MGAT4C: variants seen among roughly 807,000 people sequenced by gnomAD.
MGAT4C encodes alpha-1,3-mannosyl-glycoprotein 4-beta-N-acetylglucosaminyltransferase C.
Under a neutral mutation model 40.1 loss-of-function variants are expected in MGAT4C, and 19 were observed. That is an observed-to-expected ratio of 0.47 (90% CI 0.33 to 0.70). MGAT4C has a LOEUF of 0.70. Ranked by LOEUF, MGAT4C falls within the 30% of genes least tolerant of loss-of-function variation. The pLI, the probability that MGAT4C is intolerant of heterozygous loss-of-function variation, is 0.02. For synonymous variants in MGAT4C, 181 were observed against 187.1 expected (o/e 0.97, Z 0.27); for missense variants, 491 against 563.2 (o/e 0.87, Z 1.30).
intron 3 of MGAT4C, among the ~76,000 whole-genome samples, chr12:86,348,604 G>A (rs2136189995): frequency 6.6e-6 from 1 of 152,082 alleles, no homozygotes; most frequent in South Asian, 2.1e-4. Context: ...GCTTGTCTGG[G>A]GATAGAATTT....
chr12:86,049,262 G>A (rs1338528466), intron 2 of MGAT4C, among the ~76,000 whole-genome samples: 1 of 151,850 alleles, frequency 6.6e-6, no homozygotes, highest in African/African-American at 2.4e-5. Context: ...TATTTTAGGA[G>A]AAAGTTACCA....
rs1303160064 is a variant in MGAT4C at position 85,967,686 on chromosome 12, A to T, written c.*11603T>A. On this transcript the variant is annotated 3_prime_UTR_variant, in exon 5 of 5. Transcript: ENST00000611864. The stretch of plus-strand genomic sequence containing the variant: ...TAATGTATTCATTGATCTCATAAAG[A>T]ATAGATGATCAGATTTTTTAAAAGT... 1.3e-5 allele frequency: 2 copies of T among 152,092 alleles called. No homozygotes were observed. The highest frequency in any genetic ancestry group is 1.3e-4 in the Admixed American group (2 of 15,250). 9.4% of individuals were successfully genotyped at this position (152,092 alleles called of 1,614,324 possible). A position where few individuals can be genotyped will look rare whatever the true frequency, so the allele number is the denominator to read the frequency against.
At chr12:86,317,290 G>A (rs569315599) in intron 4 of MGAT4C, among the ~76,000 whole-genome samples, 7 of 151,764 alleles carry the variant, frequency 4.6e-5, no homozygotes, top group African/African-American at 1.7e-4. Flanking sequence ...GGTGAAGGAA[G>A]ATAGGAGATA....
chr12:86,252,222 T>C (rs1441447546), intron 1 of MGAT4C, among the ~76,000 whole-genome samples: 1 of 152,036 alleles, frequency 6.6e-6, no homozygotes, highest in Non-Finnish European at 1.5e-5. Flanking sequence ...CTTTCAATTA[T>C]TGAATTCTAA....
chr12:86,436,600 T>A (rs576068246), intron 2 of MGAT4C, among the ~76,000 whole-genome samples: 119 of 151,860 alleles, frequency 7.8e-4, no homozygotes, highest in African/African-American at 2.6e-3. Context: ...AGTTATATCA[T>A]GATATAACTA....
chr12:86,728,942 T>C (rs1156464653), intron 1 of MGAT4C, among the ~76,000 whole-genome samples: 1 of 152,184 alleles, frequency 6.6e-6, no homozygotes, highest in Non-Finnish European at 1.5e-5. Context: ...CATATACTTG[T>C]AATAAAAGAA....
intron 1 of MGAT4C, among the ~76,000 whole-genome samples, chr12:86,761,138 A>C (rs1951397970): frequency 6.6e-6 from 1 of 152,138 alleles, no homozygotes; most frequent in African/African-American, 2.4e-5. Context: ...AATGTTTTGG[A>C]AAGTTGAGTT....
chr12:86,068,741 C>A (rs1220691426), intron 1 of MGAT4C, among the ~76,000 whole-genome samples: 1 of 151,978 alleles, frequency 6.6e-6, no homozygotes, highest in African/African-American at 2.4e-5. Context: ...ATGAGGCATT[C>A]TCTTTACTAT....
At chr12:86,679,274 T>A (rs10858460) in intron 2 of MGAT4C, among the ~76,000 whole-genome samples, 5,358 of 151,982 alleles carry the variant, frequency 0.035, 171 homozygotes, top group African/African-American at 0.088. Flanking sequence ...TTTTGATGGG[T>A]TTGTTTTTTT....
intron 3 of MGAT4C, among the ~76,000 whole-genome samples, chr12:86,382,658 G>A (rs1955961452): frequency 6.6e-6 from 1 of 152,194 alleles, no homozygotes; most frequent in African/African-American, 2.4e-5. Context: ...GGTTTCATGG[G>A]CCGGGCCCAG....
intron 1 of MGAT4C, among the ~76,000 whole-genome samples, chr12:86,230,486 C>T (rs1951269333): frequency 6.6e-6 from 1 of 152,128 alleles, no homozygotes; most frequent in Admixed American, 6.6e-5. Flanking sequence ...ATTATTAGCA[C>T]TTAAATTACA....
At chr12:86,484,934 T>A (rs182019542) in intron 2 of MGAT4C, among the ~76,000 whole-genome samples, 26 of 152,230 alleles carry the variant, frequency 1.7e-4, no homozygotes, top group African/African-American at 5.5e-4. Context: ...TTAGAGGCTA[T>A]CTTCTGGCCA....
chr12:86,723,461 G>C (rs1295733229), intron 2 of MGAT4C, among the ~76,000 whole-genome samples: 2 of 152,160 alleles, frequency 1.3e-5, no homozygotes, highest in Non-Finnish European at 2.9e-5. Flanking sequence ...TTTCAGGCCT[G>C]TCTCCTGGTT....
At chr12:86,545,727 T>C (rs1959189669) in intron 2 of MGAT4C, among the ~76,000 whole-genome samples, 1 of 151,596 alleles carries the variant, frequency 6.6e-6, no homozygotes, top group African/African-American at 2.4e-5. Flanking sequence ...AGAAGACAAA[T>C]GAACTTTAAC....
chr12:86,763,378 G>C (rs774243308), intron 1 of MGAT4C, among the ~76,000 whole-genome samples: 2 of 151,932 alleles, frequency 1.3e-5, no homozygotes, highest in African/African-American at 4.8e-5. Flanking sequence ...TTTTTTTCAT[G>C]TTACTGCAAC....
chr12:86,568,401 C>T (rs1043778145), intron 2 of MGAT4C, among the ~76,000 whole-genome samples: 1 of 152,004 alleles, frequency 6.6e-6, no homozygotes, highest in African/African-American at 2.4e-5. Context: ...GCCAGAGGCT[C>T]ACAGACTGAA....
At position 86,831,888 on chromosome 12, in the gene MGAT4C, TATG is replaced by T. The variant is rs1205984068; in HGVS notation, c.-262+6775_-262+6777del. On this transcript the variant is annotated intron_variant, in intron 1 of 7. Transcript: ENST00000548651. ...GCAGGTGATTGACAACCTTTCTCTTTATGATGATTATATTTCTTGTATTGTATA... is the reference window on the plus strand; with the variant it reads ...GCAGGTGATTGACAACCTTTCTCTTTATGATTATATTTCTTGTATTGTATA... Among the ~76,000 whole-genome samples, 20 of 151,870 alleles carry T rather than the reference TATG, an allele frequency of 1.3e-4. No individual in the cohort carries two copies. In the Admixed American group the frequency reaches 1.3e-3, roughly 10 times the overall value.
At chr12:86,267,676 A>C (rs1324854417) in intron 4 of MGAT4C, among the ~76,000 whole-genome samples, 1 of 152,172 alleles carries the variant, frequency 6.6e-6, no homozygotes, top group East Asian at 1.9e-4. Context: ...GGAACGTTAT[A>C]AAAATATCTG....
At chr12:86,826,180 G>T (rs1023810985) in intron 1 of MGAT4C, among the ~76,000 whole-genome samples, 1 of 151,256 alleles carries the variant, frequency 6.6e-6, no homozygotes, top group Non-Finnish European at 1.5e-5. Context: ...AAACTGTTTT[G>T]CCCTGCCTAA....
Sources: allele counts gnomAD v4.1 joint callset (sites outside exome capture counted in the v4.1 genomes callset), GRCh38; gene constraint gnomAD v4.1.1; transcripts MANE v1.5; gene names NCBI Gene and HGNC (gene_info 2026-07-23, HGNC 2026-07-21).